Variants in FER1L6 observed in about 807,000 individuals in gnomAD.
The protein encoded by FER1L6 is fer-1 like family member 6.
In FER1L6, 177 loss-of-function variants were observed where a neutral mutation model predicts 219.2. The observed-to-expected ratio is 0.81, with a 90% CI of 0.71 to 0.91. FER1L6 has a LOEUF of 0.91. FER1L6 is among the 40% of genes least tolerant of loss of function. The probability of loss-of-function intolerance (pLI) is 0.00; values close to 1 mark genes in which losing one functional copy is unlikely to be tolerated. For synonymous variants in FER1L6, 768 were observed against 824.3 expected (o/e 0.93, Z 1.17); for missense variants, 2,153 against 2,259.9 (o/e 0.95, Z 0.96).
intron 1 of FER1L6, among the ~76,000 whole-genome samples, chr8:123,879,673 A>ATATCT (rs66516287): frequency 0.78 from 117,453 of 151,428 alleles, 45,675 homozygotes; most frequent in South Asian, 0.86. Context: ...AGTGCCACTA[A>ATATCT]TATGTGTATT....
At chr8:124,000,869 C>T (rs935485831) in intron 12 of FER1L6, among the ~76,000 whole-genome samples, 7 of 152,100 alleles carry the variant, frequency 4.6e-5, no homozygotes, top group South Asian at 2.1e-4. Flanking sequence ...GTCTGCATGA[C>T]GAGAAAATGG....
intron 11 of FER1L6, among the ~76,000 whole-genome samples, chr8:123,982,046 C>A (rs760813031): frequency 2.0e-5 from 3 of 152,186 alleles, no homozygotes; most frequent in Non-Finnish European, 4.4e-5. Flanking sequence ...TCTGAGCTCA[C>A]ATACTGTATT....
chr8:124,071,192 G>A (rs1258037014), intron 30 of FER1L6, among the ~76,000 whole-genome samples: 1 of 152,202 alleles, frequency 6.6e-6, no homozygotes, highest in African/African-American at 2.4e-5. Flanking sequence ...AGGATTGAAT[G>A]AGATAATGGG....
chr8:124,072,182 C>CG (rs375239337), intron 31 of FER1L6, among the ~76,000 whole-genome samples: 140 of 152,240 alleles, frequency 9.2e-4, no homozygotes, highest in African/African-American at 3.2e-3. Context: ...ACAGGAAAGA[C>CG]GGGGGGAAGG....
At chr8:123,900,103 A>C (rs541656557) in intron 1 of FER1L6, among the ~76,000 whole-genome samples, 3 of 152,142 alleles carry the variant, frequency 2.0e-5, no homozygotes, top group Non-Finnish European at 4.4e-5. Flanking sequence ...TCATTTTCAC[A>C]ATATTGATTC....
intron 14 of FER1L6, among the ~76,000 whole-genome samples, chr8:124,012,500 C>G (rs1026688307): frequency 9.2e-5 from 14 of 152,218 alleles, no homozygotes; most frequent in Non-Finnish European, 1.9e-4. Flanking sequence ...TCATGGCTAA[C>G]CACCATGAGA....
At chr8:124,068,527 T>G (rs1820919834) in intron 28 of FER1L6, among the ~76,000 whole-genome samples, 1 of 152,160 alleles carries the variant, frequency 6.6e-6, no homozygotes, top group African/African-American at 2.4e-5. Context: ...TGCTAAAAAA[T>G]TACTGAGTAA....
In FER1L6 at chr8:124,119,632, T is replaced by C; in HGVS notation, c.5416T>C (p.Phe1806Leu). The C allele has an allele frequency of 6.2e-7, 1 of 1,613,638 alleles. No homozygotes were observed. Among genetic ancestry groups the C allele is most frequent in the Non-Finnish European group, 8.5e-7 (1 of 1,179,620 alleles). ...PNRPDTSFSW[F>L]MSPFKCLYYL... ...CCGCCCAGACACCTCCTTTTCGTGG[T>C]TCATGAGCCCCTTTAAGTGCCTGTA... is the stretch of plus-strand genomic sequence containing the variant. Residue 1806 changes from phenylalanine (F) to leucine (L), a missense_variant, in exon 41 of 41, where the codon TTC (phenylalanine) becomes CTC (leucine). By Grantham distance (22) the Phe-to-Leu change is conservative (BLOSUM62 0). Transcript: ENST00000522917.
chr8:124,086,862 T>G (rs192552342), intron 33 of FER1L6, among the ~76,000 whole-genome samples: 1 of 152,306 alleles, frequency 6.6e-6, no homozygotes, highest in Admixed American at 6.5e-5. Context: ...AGATATGCTA[T>G]TCTAAGCTAA....
intron 1 of FER1L6, among the ~76,000 whole-genome samples, chr8:123,911,611 G>A (rs1224217818): frequency 1.3e-5 from 2 of 152,112 alleles, no homozygotes; most frequent in Non-Finnish European, 2.9e-5. Context: ...TTCACTTAGT[G>A]AGCTCATCCT....
At chr8:123,898,640 A>ATT (rs773393687) in intron 1 of FER1L6, among the ~76,000 whole-genome samples, 5 of 122,142 alleles carry the variant, frequency 4.1e-5, no homozygotes, top group South Asian at 2.7e-4. Flanking sequence ...GTAGTATTCC[A>ATT]TTTTATATAT....
chr8:124,010,707 A>C lies in FER1L6; in HGVS notation c.1814A>C (p.Asp605Ala). 1 of 1,613,440 alleles carries C rather than the reference A, an allele frequency of 6.2e-7. No individual in the cohort carries two copies. The highest frequency in any genetic ancestry group is 1.1e-5 in the South Asian group (1 of 90,886). ...HWSNMLEKMA[D>A]FLEESIEEVR... The stretch of plus-strand genomic sequence containing the variant: ...TCCAACATGCTGGAGAAAATGGCAG[A>C]CTTCCTGGTAGGTGACTCTGACAGG... Residue 605 changes from aspartate to alanine, a missense_variant, in exon 14 of 41, where the codon GAC becomes GCC. Physicochemically the swap from Asp to Ala is moderately radical, Grantham distance 126. Transcript: ENST00000522917.
Position 123,987,281 on chromosome 8 carries a change from G to A in FER1L6, c.1519+1105G>A, listed in dbSNP as rs531579482. Among the ~76,000 whole-genome samples, 6 of 152,248 alleles carry A rather than the reference G, an allele frequency of 3.9e-5. No homozygotes were observed. In the South Asian group the frequency reaches 6.2e-4, roughly 16 times the overall value. ...TCTCTGATGGTTAATGATGCTAAGC[G>A]CCTTTTCATATGCTTGTTTGCCATT... On this transcript the variant is annotated intron_variant, in intron 12 of 40. Coordinates refer to ENST00000522917, the MANE Select transcript of FER1L6 (RefSeq NM_001039112.2).
At chr8:124,033,851 T>A (rs1819081632) in intron 18 of FER1L6, among the ~76,000 whole-genome samples, 1 of 152,152 alleles carries the variant, frequency 6.6e-6, no homozygotes, top group African/African-American at 2.4e-5. Context: ...GTCTTTGCAT[T>A]TGAGTAGGTG....
At chr8:123,933,806 T>G (rs13267281) in intron 1 of FER1L6, among the ~76,000 whole-genome samples, 30,528 of 152,138 alleles carry the variant, frequency 0.2, 3,870 homozygotes, top group East Asian at 0.44. Context: ...TTCTTGCTTT[T>G]TTTTCCAGCT....
chr8:124,119,879 TGTGCTGA>T lies in FER1L6; in HGVS notation c.*95_*101del. On this transcript the variant is annotated 3_prime_UTR_variant, in exon 41 of 41. Coordinates refer to ENST00000522917, the MANE Select transcript of FER1L6 (RefSeq NM_001039112.2). Reference sequence around the variant, plus strand: ...TAAGAACATGTCCCATGCATGGCACTGTGCTGAGTGCTAAGGGGACAGATCAACCCTT... The same window carrying T: ...TAAGAACATGTCCCATGCATGGCACTGTGCTAAGGGGACAGATCAACCCTT... The T allele has an allele frequency of 7.3e-7, 1 of 1,361,054 alleles. No individual in the cohort carries two copies. Among genetic ancestry groups the T allele is most frequent in the East Asian group, 2.3e-5 (1 of 43,572 alleles). The allele number at this position is 1,361,054 out of a possible 1,614,324, so 84.3% of individuals were successfully genotyped here.
chr8:123,981,629 A>G (rs1177155768), intron 11 of FER1L6, among the ~76,000 whole-genome samples: 1 of 152,170 alleles, frequency 6.6e-6, no homozygotes, highest in African/African-American at 2.4e-5. Flanking sequence ...GGGGTATAGC[A>G]GCAGGTCACC....
chr8:123,992,005 T>G (rs1276657565), intron 12 of FER1L6, among the ~76,000 whole-genome samples: 1 of 152,192 alleles, frequency 6.6e-6, no homozygotes, highest in African/African-American at 2.4e-5. Flanking sequence ...TCACTTATAT[T>G]GACTTTCATA....
intron 1 of FER1L6, among the ~76,000 whole-genome samples, chr8:123,913,805 A>G (rs1421631232): frequency 6.6e-6 from 1 of 152,140 alleles, no homozygotes; most frequent in African/African-American, 2.4e-5. Flanking sequence ...AGTGTTATGA[A>G]ATTATTCCTA....
Sources: gnomAD v4.1 joint callset for allele counts (sites outside exome capture counted in the v4.1 genomes callset) on GRCh38, gnomAD v4.1.1 for gene constraint, MANE v1.5 for transcripts, NCBI Gene and HGNC (gene_info 2026-07-23, HGNC 2026-07-21) for gene names.